OR6A2: variants seen among roughly 807,000 people sequenced by gnomAD.
The protein encoded by OR6A2 is olfactory receptor family 6 subfamily A member 2.
A neutral mutation model predicts 7.1 loss-of-function variants in OR6A2; 6 were observed. That is an observed-to-expected ratio of 0.85 (90% confidence interval 0.46 to 1.68). OR6A2 has a LOEUF of 1.68. Ranked by LOEUF, OR6A2 falls within the 40% of genes most tolerant of loss-of-function variation. The pLI is 0.01. For missense variants in OR6A2, 431 were observed against 398.0 expected (o/e 1.08, Z -0.71); for synonymous variants, 162 against 152.1 (o/e 1.06, Z -0.48).
rs376645546 is a variant in OR6A2 at position 6,794,542 on chromosome 11, A to G, written c.*183T>C. The G allele has an allele frequency of 4.1e-5, 31 of 747,986 alleles. No individual in the cohort carries two copies. In the East Asian group the frequency reaches 4.9e-4, roughly 12 times the overall value. The allele number at this position is 747,986 out of a possible 1,614,324, so 46.3% of individuals were successfully genotyped here. ...TTATGGCCCTGTCCTGCAGAAATCCATTTTCTAGCTTGCAACCTATTCCTC... is the reference window on the plus strand; with the variant it reads ...TTATGGCCCTGTCCTGCAGAAATCCGTTTTCTAGCTTGCAACCTATTCCTC... On this transcript the variant is annotated 3_prime_UTR_variant, in exon 2 of 2. Transcript: ENST00000641196.
In OR6A2 at chr11:6,793,212, T is replaced by C. The variant is rs1334685391; in HGVS notation, c.*1513A>G. The C allele has an allele frequency of 1.3e-5, 2 of 152,200 alleles. No homozygotes were observed. The highest frequency in any genetic ancestry group is 1.9e-4 in the East Asian group (1 of 5,204). 9.4% of individuals were successfully genotyped at this position (152,200 alleles called of 1,614,324 possible). ...AAAAATTATTACAACAAGATACTTA[T>C]ACTGTTTAGGCACAAATAGATATGC... On this transcript the variant is annotated 3_prime_UTR_variant, in exon 2 of 2. Coordinates refer to ENST00000641196, the MANE Select transcript of OR6A2 (RefSeq NM_003696.3).
Position 6,795,409 on chromosome 11 carries a change from C to T in OR6A2, c.300G>A (p.Glu100=). 6.2e-7 allele frequency: 1 copy of T among 1,614,096 alleles called. No homozygotes were observed. Among genetic ancestry groups the T allele is most frequent in the Non-Finnish European group, 8.5e-7 (1 of 1,179,996 alleles). Residue 100 remains glutamate, a synonymous_variant, in exon 2 of 2, where the codon GAG becomes GAA. Transcript: ENST00000641196. ...KQDHGQLISF[E]GCMTQLYFFL... ...AAAAGTAGAGCTGTGTCATGCATCC[C>T]TCAAAGGAGATTAGCTGTCCATGAT...
chr11:6,792,598 T>C lies in OR6A2; in HGVS notation c.*2127A>G, dbSNP rs2133032932. The C allele has an allele frequency of 6.6e-6, 1 of 152,294 alleles. No individual in the cohort carries two copies. Among genetic ancestry groups the C allele is most frequent in the East Asian group, 1.9e-4 (1 of 5,190 alleles). 9.4% of individuals were successfully genotyped at this position (152,294 alleles called of 1,614,324 possible). A position where few individuals can be genotyped will look rare whatever the true frequency, so the allele number is the denominator to read the frequency against. ...TAAAAGACTTATATTATCTAAGCAA[T>C]ACTTTGAAAGACCGGCAGATTACAA... On this transcript the variant is annotated 3_prime_UTR_variant, in exon 2 of 2. Coordinates refer to ENST00000641196, the MANE Select transcript of OR6A2 (RefSeq NM_003696.3).
Position 6,794,907 on chromosome 11 carries a change from TTG to T in OR6A2, c.800_801del (p.Pro267GlnfsTer7). The T allele has an allele frequency of 1.2e-6, 2 of 1,614,072 alleles. No homozygotes were observed. The highest frequency in any genetic ancestry group is 1.7e-6 in the Non-Finnish European group (2 of 1,179,970). The part of the protein sequence containing the change: ...YAASIFIYAR[P>X]KALSAFDTNK... ...TTGGTGTCAAAAGCTGAGAGTGCCT[TTG>T]GCCGAGCATAGATGAAGATACTGGC... On this transcript the variant is annotated frameshift_variant, in exon 2 of 2. Coordinates refer to ENST00000641196, the MANE Select transcript of OR6A2 (RefSeq NM_003696.3). LOFTEE classifies it high-confidence loss of function.
At chr11:6,798,070 C>T (rs1287259506) in intron 1 of OR6A2, among the ~76,000 whole-genome samples, 1 of 152,090 alleles carries the variant, frequency 6.6e-6, no homozygotes, top group East Asian at 1.9e-4. Context: ...ATCCCTGCAG[C>T]TATTGATCAG....
rs1847695495 is a variant in OR6A2, at chr11:6,792,065, A to C, written c.*2660T>G. On this transcript the variant is annotated 3_prime_UTR_variant, in exon 2 of 2. Coordinates refer to ENST00000641196, the MANE Select transcript of OR6A2 (RefSeq NM_003696.3). ...TGTCTCTTTGACAAGCTTTGATCTGATATTTCTCAGTCTTTACTTGTTCAT... is the reference window on the plus strand; with the variant it reads ...TGTCTCTTTGACAAGCTTTGATCTGCTATTTCTCAGTCTTTACTTGTTCAT... 6.6e-6 allele frequency: 1 copy of C among 152,150 alleles called. No homozygotes were observed. The highest frequency in any genetic ancestry group is 1.5e-5 in the Non-Finnish European group (1 of 68,024). The allele number at this position is 152,150 out of a possible 1,614,324, so 9.4% of individuals were successfully genotyped here. A position where few individuals can be genotyped will look rare whatever the true frequency, so the allele number is the denominator to read the frequency against.
chr11:6,794,995 TC>T lies in OR6A2; in HGVS notation c.713del (p.Gly238AspfsTer16), dbSNP rs1847729330. ...CACAGGTGGAAAAGGCCTTATAGCG[TC>T]CAGCAGCCGAAGGAATGTGCATCAC... ...GAVMHIPSAA[G>X]RYKAFSTCAS... On this transcript the variant is annotated frameshift_variant, in exon 2 of 2. Transcript: ENST00000641196. LOFTEE classifies it high-confidence loss of function. The T allele has an allele frequency of 1.9e-6, 3 of 1,614,022 alleles. No homozygotes were observed. The Admixed American group carries it at 5.0e-5, about 27-fold the overall frequency.
rs61741823 is a variant in OR6A2 at position 6,795,086 on chromosome 11, G to A, written c.623C>T (p.Ala208Val). The change falls in exon 2 of 2, where the codon GCC becomes GTC. Residue 208 changes from alanine to valine, a missense_variant. Ala to Val is a moderately conservative substitution (Grantham distance 64). Transcript: ENST00000641196. The stretch of plus-strand genomic sequence containing the variant: ...GAGTGGCCCTAGAAGAATAAAAATG[G>A]CCAGGATGAAATCTGTAAGCTCTGC... Reference protein sequence around the residue: ...STAELTDFILAIFILLGPLSV... With the variant: ...STAELTDFILVIFILLGPLSV... 881 of 1,614,116 alleles carry A rather than the reference G, an allele frequency of 5.5e-4. 3 individuals carry two copies. In the African/African-American group the frequency reaches 0.011, roughly 19 times the overall value.
At position 6,795,169 on chromosome 11, in the gene OR6A2, G is replaced by A. The variant is rs528575606; in HGVS notation, c.540C>T (p.Asn180=). The change falls in exon 2 of 2, where the codon AAC becomes AAT. Residue 180 remains asparagine, a synonymous_variant. Coordinates refer to ENST00000641196, the MANE Select transcript of OR6A2 (RefSeq NM_003696.3). The part of the protein sequence containing the change: ...GLSYCGPNII[N]HFFCDVSPLL... ...ATGGAGAGACATCACAGAAAAAGTG[G>A]TTGATGATGTTGGGGCCACAGTAAG... The A allele has an allele frequency of 6.2e-7, 1 of 1,614,072 alleles. No individual in the cohort carries two copies. Among genetic ancestry groups the A allele is most frequent in the East Asian group, 2.2e-5 (1 of 44,876 alleles).
intron 1 of OR6A2, among the ~76,000 whole-genome samples, chr11:6,796,614 C>T (rs1384061141): frequency 6.6e-6 from 1 of 152,152 alleles, no homozygotes; most frequent in Non-Finnish European, 1.5e-5. Context: ...GGCAGAAAGA[C>T]TAAGAATTAC....
intron 1 of OR6A2, 103 bp from the exon 2 acceptor site, chr11:6,795,987 G>C: frequency 3.1e-6 from 1 of 320,924 alleles, no homozygotes; most frequent in Non-Finnish European, 5.7e-6. Flanking sequence ...ATGCACTGGG[G>C]AAAAATGACA....
In OR6A2 at chr11:6,793,904, T is replaced by C. The variant is rs1334480699; in HGVS notation, c.*821A>G. 1 of 152,170 alleles carries C rather than the reference T, an allele frequency of 6.6e-6. No homozygotes were observed. Among genetic ancestry groups the C allele is most frequent in the Non-Finnish European group, 1.5e-5 (1 of 68,032 alleles). 9.4% of individuals were successfully genotyped at this position (152,170 alleles called of 1,614,324 possible). A position where few individuals can be genotyped will look rare whatever the true frequency, so the allele number is the denominator to read the frequency against. ...CACAAATCTTTCCGAATCAGAATGG[T>C]TGCAATATTTTTAGGATTTGTAATA... On this transcript the variant is annotated 3_prime_UTR_variant, in exon 2 of 2. Coordinates refer to ENST00000641196, the MANE Select transcript of OR6A2 (RefSeq NM_003696.3).
In OR6A2 at chr11:6,792,858, T is replaced by C. The variant is rs1020003510; in HGVS notation, c.*1867A>G. The stretch of plus-strand genomic sequence containing the variant: ...GTCTGGAGAGGTGTCAATCTCACCA[T>C]AGTACATGGGACTCAAACTCATTCG... On this transcript the variant is annotated 3_prime_UTR_variant, in exon 2 of 2. Coordinates refer to ENST00000641196, the MANE Select transcript of OR6A2 (RefSeq NM_003696.3). 3 of 152,152 alleles carry C rather than the reference T, an allele frequency of 2.0e-5. No homozygotes were observed. Among genetic ancestry groups the C allele is most frequent in the African/African-American group, 7.2e-5 (3 of 41,430 alleles). 9.4% of individuals were successfully genotyped at this position (152,152 alleles called of 1,614,324 possible).
At position 6,799,679 on chromosome 11, in the gene OR6A2, C is replaced by T. The variant is rs1315510649; in HGVS notation, c.-312G>A. ...GATACAGAGATTCCACTTTCTCTTC[C>T]TCCCATAGATAGAGAACACTGCCAA... is the stretch of plus-strand genomic sequence containing the variant. On this transcript the variant is annotated 5_prime_UTR_variant, in exon 1 of 2. Transcript: ENST00000641196. The T allele has an allele frequency of 6.6e-6, 1 of 152,168 alleles. No homozygotes were observed. The highest frequency in any genetic ancestry group is 1.5e-5 in the Non-Finnish European group (1 of 68,028). The allele number at this position is 152,168 out of a possible 1,614,324, so 9.4% of individuals were successfully genotyped here.
rs1434867045 is a variant in OR6A2 at position 6,795,430 on chromosome 11, A to T, written c.279T>A (p.His93Gln). 6.2e-7 allele frequency: 1 copy of T among 1,614,154 alleles called. No homozygotes were observed. The change falls in exon 2 of 2, where the codon CAT becomes CAA. Residue 93 changes from histidine (H) to glutamine (Q), a missense_variant. His to Gln is a conservative substitution (Grantham distance 24). Transcript: ENST00000641196. ...LAGFVGSKQDHGQLISFEGCM... is the reference protein window; with the variant it reads ...LAGFVGSKQDQGQLISFEGCM... ...ATCCCTCAAAGGAGATTAGCTGTCC[A>T]TGATCCTGTTTGGATCCAACAAAGC...
intron 1 of OR6A2, among the ~76,000 whole-genome samples, chr11:6,799,128 G>C (rs1001844619): frequency 6.6e-6 from 1 of 152,094 alleles, no homozygotes. Flanking sequence ...TAGATCTGCA[G>C]GGACCAGATA....
At position 6,794,805 on chromosome 11, in the gene OR6A2, C is replaced by A. The variant is rs146813493; in HGVS notation, c.904G>T (p.Val302Phe). Residue 302 changes from valine (V) to phenylalanine (F), a missense_variant, in exon 2 of 2, where the codon GTC becomes TTC. By Grantham distance (50) the Val-to-Phe change is conservative. Transcript: ENST00000641196. ...PIIYCLRNQE[V>F]KRALCCTLHL... Reference sequence around the variant, plus strand: ...AGAGTACAGCATAGGGCTCTCTTGACCTCTTGATTGCGCAGGCAGTAAATG... The same window carrying A: ...AGAGTACAGCATAGGGCTCTCTTGAACTCTTGATTGCGCAGGCAGTAAATG... 2 of 1,614,098 alleles carry A rather than the reference C, an allele frequency of 1.2e-6. No homozygotes were observed.
chr11:6,796,223 G>A (rs745779439), intron 1 of OR6A2, among the ~76,000 whole-genome samples: 3 of 152,138 alleles, frequency 2.0e-5, no homozygotes, highest in Non-Finnish European at 4.4e-5. Flanking sequence ...TAATTCGCTT[G>A]ATCTTAACAA....
At position 6,793,369 on chromosome 11, in the gene OR6A2, G is replaced by C. The variant is rs1847710870; in HGVS notation, c.*1356C>G. 6.6e-6 allele frequency: 1 copy of C among 152,176 alleles called. No individual in the cohort carries two copies. The highest frequency in any genetic ancestry group is 6.5e-5 in the Admixed American group (1 of 15,276). The allele number at this position is 152,176 out of a possible 1,614,324, so 9.4% of individuals were successfully genotyped here. On this transcript the variant is annotated 3_prime_UTR_variant, in exon 2 of 2. Transcript: ENST00000641196. The stretch of plus-strand genomic sequence containing the variant: ...GATCCCACATCTTGAGCAACAGTTG[G>C]ATCCATATCTGGAGATAGAATCTTC...
Sources: allele counts gnomAD v4.1 joint callset (sites outside exome capture counted in the v4.1 genomes callset), GRCh38; gene constraint gnomAD v4.1.1; transcripts MANE v1.5; gene names NCBI Gene and HGNC (gene_info 2026-07-23, HGNC 2026-07-21).